Variants in DHX30 observed in about 807,000 individuals in gnomAD.
DHX30 encodes the protein DExH-box helicase 30.
A neutral mutation model predicts 116.9 loss-of-function variants in DHX30; 4 were observed. The ratio of observed to expected loss-of-function variants is 0.03; its 90% CI spans 0.02 to 0.08. The LOEUF (loss-of-function observed/expected upper bound fraction) is 0.08, where lower values mean the gene tolerates loss of function less well. Among genes scored for constraint, DHX30 ranks in the 10% least tolerant of loss-of-function variants. The pLI, the probability that DHX30 is intolerant of heterozygous loss-of-function variation, is 1.00. For missense variants in DHX30, 871 were observed against 1,595.1 expected (o/e 0.55, Z 7.73); for synonymous variants, 697 against 651.7 (o/e 1.07, Z -1.06).
chr3:47,827,024 G>T (rs546799103), intron 4 of DHX30, among the ~76,000 whole-genome samples: 3 of 152,124 alleles, frequency 2.0e-5, no homozygotes, highest in Non-Finnish European at 4.4e-5. Flanking sequence ...CATCAGACTG[G>T]GGGGTTTATT....
chr3:47,839,606 A>G (rs998524705), intron 6 of DHX30, among the ~76,000 whole-genome samples: 1 of 151,468 alleles, frequency 6.6e-6, no homozygotes, highest in South Asian at 2.1e-4. Flanking sequence ...CAGGATTCTT[A>G]TATTCTTATA....
At chr3:47,806,720 C>T (rs577866779) in intron 2 of DHX30, among the ~76,000 whole-genome samples, 16 of 151,964 alleles carry the variant, frequency 1.1e-4, no homozygotes, top group African/African-American at 3.9e-4. Flanking sequence ...GCTGGGATTA[C>T]AGGAGTGAGC....
At chr3:47,816,884 T>C in intron 3 of DHX30, 1 of 983,616 alleles carries the variant, frequency 1.0e-6, no homozygotes, top group African/African-American at 1.8e-5. Flanking sequence ...TCTACCACCT[T>C]GATTCTCTAT....
chr3:47,850,137 G>T lies in DHX30; in HGVS notation c.*17G>T. 1 of 1,573,332 alleles carries T rather than the reference G, an allele frequency of 6.4e-7. No homozygotes were observed. Among genetic ancestry groups the T allele is most frequent in the Non-Finnish European group, 8.6e-7 (1 of 1,162,398 alleles). On this transcript the variant is annotated 3_prime_UTR_variant, in exon 22 of 22. Coordinates refer to ENST00000445061, the MANE Select transcript of DHX30 (RefSeq NM_138615.3). ...GACGACTGAGCCCTGCTTCTGCTGG[G>T]GCTGTGTACAGAGTGCAAATGTTTA...
At chr3:47,805,560 A>G (rs898073333) in intron 2 of DHX30, 140 bp downstream of exon 2, 3 of 386,466 alleles carry the variant, frequency 7.8e-6, no homozygotes, top group African/African-American at 4.1e-5. Flanking sequence ...TATTTTTGAG[A>G]CAGAGTCTCG....
At chr3:47,825,905 T>C (rs1357157111) in intron 4 of DHX30, 1 of 152,116 alleles carries the variant, frequency 6.6e-6, no homozygotes, top group Non-Finnish European at 1.5e-5. Context: ...GCTTGACTCT[T>C]AGTTGCTTTA....
Position 47,846,593 on chromosome 3 carries a change from G to C in DHX30, c.1521G>C (p.Leu507=), listed in dbSNP as rs746428908. The change falls in exon 11 of 22, where the codon CTG becomes CTC. Residue 507 remains leucine (L), a synonymous_variant. Transcript: ENST00000445061. ...VSVAQRVSHE[L]GPSLRRNVGF... ...TGGCACAGCGGGTCAGCCACGAACT[G>C]GGCCCCTCCCTGCGCCGGAATGTGG... The C allele has an allele frequency of 1.2e-6, 2 of 1,614,130 alleles. No homozygotes were observed. The highest frequency in any genetic ancestry group is 1.7e-6 in the Non-Finnish European group (2 of 1,180,040).
In DHX30 at chr3:47,848,119, G is replaced by T; in HGVS notation, c.2287-61G>T. 1 of 1,603,410 alleles carries T rather than the reference G, an allele frequency of 6.2e-7. No individual in the cohort carries two copies. The highest frequency in any genetic ancestry group is 8.5e-7 in the Non-Finnish European group (1 of 1,172,204). ...GTAGGGGGCTGGTGAGGGTTACTCA[G>T]GGAGTGGGGAAGCACTGAGGAAGTG... On this transcript the variant is annotated intron_variant, in intron 14 of 21. Coordinates refer to ENST00000445061, the MANE Select transcript of DHX30 (RefSeq NM_138615.3). This position sits in a 1 kb window ranked among gnomAD's most constrained non-coding sequence, Gnocchi z 9.4.
At chr3:47,837,135 C>T (rs1024524074) in intron 6 of DHX30, among the ~76,000 whole-genome samples, 7 of 149,266 alleles carry the variant, frequency 4.7e-5, no homozygotes, top group Non-Finnish European at 7.4e-5. Context: ...TTGCCAGGGC[C>T]GAGGGCTGGA....
chr3:47,810,759 T>A, intron 3 of DHX30, 48 bp downstream of exon 3: 1 of 1,572,598 alleles, frequency 6.4e-7, no homozygotes, highest in Non-Finnish European at 8.8e-7. Context: ...CTTATTGGGA[T>A]GGGCAGCTCT....
chr3:47,847,696 G>A lies in DHX30; in HGVS notation c.2111-85G>A. Reference sequence around the variant, plus strand: ...ATCTGCGCCTGTTTCATCAAAATGGGGTCAAAATCCTTGCCCTGCCCACAT... The same window carrying A: ...ATCTGCGCCTGTTTCATCAAAATGGAGTCAAAATCCTTGCCCTGCCCACAT... On this transcript the variant is annotated intron_variant, in intron 13 of 21. Transcript: ENST00000445061. This position sits in a 1 kb window ranked among gnomAD's most constrained non-coding sequence, Gnocchi z 5.5. 1.3e-6 allele frequency: 2 copies of A among 1,522,084 alleles called. No homozygotes were observed. The highest frequency in any genetic ancestry group is 1.8e-6 in the Non-Finnish European group (2 of 1,127,290). 94.3% of individuals were successfully genotyped at this position (1,522,084 alleles called of 1,614,324 possible).
intron 6 of DHX30, among the ~76,000 whole-genome samples, chr3:47,838,452 C>T (rs2037222049): frequency 6.6e-6 from 1 of 152,170 alleles, no homozygotes; most frequent in African/African-American, 2.4e-5. Context: ...TAGTCCATAC[C>T]TTTCTGACCC....
intron 5 of DHX30, 72 bp from the exon 6 acceptor site, chr3:47,828,952 A>G (rs898216873): frequency 2.2e-6 from 2 of 900,598 alleles, no homozygotes; most frequent in African/African-American, 3.3e-5. Context: ...ACCACTGTTT[A>G]TTTTCCATGT....
Position 47,843,102 on chromosome 3 carries a change from G to T in DHX30, c.790-4G>T. The T allele has an allele frequency of 6.2e-7, 1 of 1,614,092 alleles. No individual in the cohort carries two copies. The highest frequency in any genetic ancestry group is 8.5e-7 in the Non-Finnish European group (1 of 1,179,958). Reference sequence around the variant, plus strand: ...TGTAACCATCTCTCTTGCCTTCCATGTAGAACCTCATGCAGTTCCATACTG... The same window carrying T: ...TGTAACCATCTCTCTTGCCTTCCATTTAGAACCTCATGCAGTTCCATACTG... On this transcript the variant is annotated splice_region_variant and splice_polypyrimidine_tract_variant and intron_variant, in intron 8 of 21. Transcript: ENST00000445061.
At chr3:47,808,561 T>C (rs1177869848) in intron 2 of DHX30, among the ~76,000 whole-genome samples, 1 of 151,620 alleles carries the variant, frequency 6.6e-6, no homozygotes, top group Non-Finnish European at 1.5e-5. Flanking sequence ...CTTTTTTTTT[T>C]TTCTTAAATT....
At chr3:47,805,171 A>G (rs1233078951) in intron 1 of DHX30, among the ~76,000 whole-genome samples, 155 bp from the exon 2 acceptor site, 1 of 152,224 alleles carries the variant, frequency 6.6e-6, no homozygotes, top group Admixed American at 6.5e-5. Context: ...AGAATGGGTC[A>G]TGGTAAGTCC....
chr3:47,814,946 ACTC>A, intron 3 of DHX30, among the ~76,000 whole-genome samples: 1 of 150,664 alleles, frequency 6.6e-6, no homozygotes, highest in South Asian at 2.1e-4. Context: ...CTGTTCTCAA[ACTC>A]CTGGCTTCAT....
At position 47,818,136 on chromosome 3, in the gene DHX30, C is replaced by T. The variant is rs758505890; in HGVS notation, c.124+19C>T. ...TCTCGAGGTAAGGGAGGAGCCTTGC[C>T]TCCAGCAACAGCTTGGTCCAGGGTC... On this transcript the variant is annotated intron_variant, in intron 4 of 21. Coordinates refer to ENST00000445061, the MANE Select transcript of DHX30 (RefSeq NM_138615.3). 2.6e-6 allele frequency: 2 copies of T among 778,506 alleles called. No homozygotes were observed. The highest frequency in any genetic ancestry group is 4.8e-6 in the Non-Finnish European group (2 of 416,536). 48.2% of individuals were successfully genotyped at this position (778,506 alleles called of 1,614,324 possible).
At chr3:47,842,292 A>C (rs1368950797) in intron 8 of DHX30, 1 of 153,486 alleles carries the variant, frequency 6.5e-6, no homozygotes, top group Non-Finnish European at 1.5e-5. Context: ...CAGCATTTCA[A>C]AGGAGCCTAA....
Sources: gnomAD v4.1 joint callset for allele counts (sites outside exome capture counted in the v4.1 genomes callset) on GRCh38, gnomAD v4.1.1 for gene constraint, Gnocchi (gnomAD v3.1) non-coding constraint, MANE v1.5 for transcripts, NCBI Gene and HGNC (gene_info 2026-07-23, HGNC 2026-07-21) for gene names.